The following KIRREL3 variants were observed in gnomAD, a reference collection of about 807,000 sequenced individuals.
KIRREL3 encodes the protein kin of IRRE-like protein 3.
A neutral mutation model predicts 89.7 loss-of-function variants in KIRREL3; 36 were observed. That is an observed-to-expected ratio of 0.40 (90% CI 0.31 to 0.53). The LOEUF is 0.53. Among genes scored for constraint, KIRREL3 ranks in the 20% least tolerant of loss-of-function variants. KIRREL3 has a pLI of 0.49. For synonymous variants in KIRREL3, 445 were observed against 441.4 expected, an observed-to-expected ratio of 1.01 and a Z score of -0.10; for missense variants, 864 against 1,056.6, an observed-to-expected ratio of 0.82 and a Z score of 2.53.
intron 1 of KIRREL3, among the ~76,000 whole-genome samples, chr11:126,690,208 C>T (rs777235337): frequency 5.9e-5 from 9 of 152,158 alleles, no homozygotes; most frequent in African/African-American, 1.7e-4. Flanking sequence ...AGTGTTTATG[C>T]GCCTTAATTC....
chr11:126,693,585 A>C (rs913211084), intron 1 of KIRREL3, among the ~76,000 whole-genome samples: 1 of 147,872 alleles, frequency 6.8e-6, no homozygotes, highest in Non-Finnish European at 1.5e-5. Context: ...ATCTGTATGC[A>C]CATGCATGTG....
In KIRREL3 at chr11:126,900,651, A is replaced by G. The variant is rs569135428; in HGVS notation, c.55+99804T>C. On this transcript the variant is annotated intron_variant, in intron 1 of 16. Coordinates refer to ENST00000525144, the MANE Select transcript of KIRREL3 (RefSeq NM_032531.4). The surrounding 1 kb of genome is among the most constrained non-coding windows in gnomAD (Gnocchi z 4.4). ...TTACTAATGCCTTTCAGCAAAGCCC[A>G]GGCATCTTTTAAAGTCAAACTTTAA... Among the ~76,000 whole-genome samples, 5 of 152,352 alleles carry G rather than the reference A, an allele frequency of 3.3e-5. No individual in the cohort carries two copies. Among genetic ancestry groups the G allele is most frequent in the African/African-American group, 7.2e-5 (3 of 41,594 alleles).
chr11:126,718,110 G>A (rs4121806), intron 1 of KIRREL3, among the ~76,000 whole-genome samples: 121,264 of 152,110 alleles, frequency 0.8, 48,951 homozygotes, highest in East Asian at 0.99. Context: ...TAGCATCACC[G>A]GAATTTGCGC....
At chr11:126,731,324 G>A (rs1182011513) in intron 1 of KIRREL3, among the ~76,000 whole-genome samples, 1 of 152,044 alleles carries the variant, frequency 6.6e-6, no homozygotes, top group African/African-American at 2.4e-5. Context: ...CACTGCCTAG[G>A]TCTCAAATGA....
At chr11:126,935,372 T>C (rs1948141630) in intron 1 of KIRREL3, 1 of 151,958 alleles carries the variant, frequency 6.6e-6, no homozygotes, top group South Asian at 2.1e-4. Context: ...GTTATTCTCC[T>C]TGGTATTTAT....
intron 1 of KIRREL3, among the ~76,000 whole-genome samples, chr11:126,572,112 A>T (rs1197779189): frequency 6.6e-6 from 1 of 152,186 alleles, no homozygotes; most frequent in African/African-American, 2.4e-5. Flanking sequence ...TCAGTCCATC[A>T]TGGCTGGGAG....
Position 126,554,552 on chromosome 11 carries a change from C to G in KIRREL3, c.133+8283G>C, listed in dbSNP as rs1737590041. Among the ~76,000 whole-genome samples the G allele has an allele frequency of 2.0e-5, 3 of 152,270 alleles. No individual in the cohort carries two copies. In the South Asian group the frequency reaches 6.2e-4, roughly 32 times the overall value. ...AAAAGTCTATGATTGTCAAATTATC[C>G]AGTCCCAGCATCTTGGAGCTACTGA... is the stretch of plus-strand genomic sequence containing the variant. On this transcript the variant is annotated intron_variant, in intron 2 of 16. Coordinates refer to ENST00000525144, the MANE Select transcript of KIRREL3 (RefSeq NM_032531.4).
rs1268565440 is a variant in KIRREL3, at chr11:126,498,185, C to A, written c.433+23130G>T. On this transcript the variant is annotated intron_variant, in intron 4 of 16. Coordinates refer to ENST00000525144, the MANE Select transcript of KIRREL3 (RefSeq NM_032531.4). This position sits in a 1 kb window ranked among gnomAD's most constrained non-coding sequence, Gnocchi z 4.3. ...GGGCAGAGTTGGGGTGGCCATCAAA[C>A]CCCTAAAACCCGAGGAGGGGAAGAG... 6.6e-6 allele frequency among the ~76,000 whole-genome samples: 1 copy of A among 152,200 alleles called. No individual in the cohort carries two copies. The highest frequency in any genetic ancestry group is 6.5e-5 in the Admixed American group (1 of 15,284).
At chr11:126,452,646 TG>T (rs1011043458) in intron 7 of KIRREL3, among the ~76,000 whole-genome samples, 3 of 152,226 alleles carry the variant, frequency 2.0e-5, no homozygotes, top group Admixed American at 2.0e-4. Flanking sequence ...CCCACCTGCT[TG>T]GCCCCAAGTA....
chr11:126,596,878 G>A (rs1274203535), intron 1 of KIRREL3, among the ~76,000 whole-genome samples: 2 of 152,186 alleles, frequency 1.3e-5, no homozygotes, highest in African/African-American at 4.8e-5. Flanking sequence ...CAGAGCCCGG[G>A]CTGCAGTTTC....
rs1948941232 is a variant in KIRREL3, at chr11:126,740,395, G to A, written c.56-177483C>T. Among the ~76,000 whole-genome samples, 1 of 58,366 alleles carries A rather than the reference G, an allele frequency of 1.7e-5. No individual in the cohort carries two copies. The highest frequency in any genetic ancestry group is 2.2e-4 in the Admixed American group (1 of 4,462). The allele number at this position is 58,366 out of a possible 152,430, so 38.3% of individuals were successfully genotyped here. ...TGGTATTCATTCTGTGTTTGGTGCT[G>A]CAGTAGTGGTCTGGAATTGTCTGCA... On this transcript the variant is annotated intron_variant, in intron 1 of 16. Transcript: ENST00000525144. The surrounding 1 kb of genome is among the most constrained non-coding windows in gnomAD (Gnocchi z 6.0).
At chr11:126,460,569 C>G (rs1956508583) in intron 6 of KIRREL3, among the ~76,000 whole-genome samples, 1 of 152,200 alleles carries the variant, frequency 6.6e-6, no homozygotes, top group Non-Finnish European at 1.5e-5. Flanking sequence ...CTGCTGGGCC[C>G]CAAGTGTCAC....
At chr11:126,820,066 C>T (rs1417645870) in intron 1 of KIRREL3, among the ~76,000 whole-genome samples, 1 of 152,192 alleles carries the variant, frequency 6.6e-6, no homozygotes, top group Non-Finnish European at 1.5e-5. Context: ...TTTTAGAGCA[C>T]CTAACAGATG....
chr11:126,691,953 G>A (rs578111777), intron 1 of KIRREL3, among the ~76,000 whole-genome samples: 6 of 152,270 alleles, frequency 3.9e-5, no homozygotes, highest in African/African-American at 1.2e-4. Context: ...TTTGCAAATC[G>A]AAATGATAGT....
intron 4 of KIRREL3, among the ~76,000 whole-genome samples, chr11:126,511,518 A>G (rs1169978011): frequency 1.3e-5 from 2 of 152,174 alleles, no homozygotes; most frequent in Non-Finnish European, 2.9e-5. Context: ...GACACTGACC[A>G]TAGCTGTTAG....
At chr11:126,487,078 A>G (rs1381168430) in intron 4 of KIRREL3, among the ~76,000 whole-genome samples, 1 of 152,202 alleles carries the variant, frequency 6.6e-6, no homozygotes. Context: ...GGAGGGGCGC[A>G]GGAAGATGGT....
chr11:126,738,291 CT>C (rs1383325205), intron 1 of KIRREL3, among the ~76,000 whole-genome samples: 1 of 152,186 alleles, frequency 6.6e-6, no homozygotes, highest in Non-Finnish European at 1.5e-5. Flanking sequence ...CCCTCCACCC[CT>C]GTCTTGCCTT....
intron 1 of KIRREL3, among the ~76,000 whole-genome samples, chr11:126,885,967 C>G (rs10750354): frequency 0.63 from 95,812 of 152,112 alleles, 32,140 homozygotes; most frequent in African/African-American, 0.87. Flanking sequence ...GACTAAGAAA[C>G]AGTTTTCTTT....
rs1943166865 is a variant in KIRREL3 at position 126,612,325 on chromosome 11, C to A, written c.56-49413G>T. Among the ~76,000 whole-genome samples the A allele has an allele frequency of 6.6e-6, 1 of 151,966 alleles. No individual in the cohort carries two copies. The highest frequency in any genetic ancestry group is 1.5e-5 in the Non-Finnish European group (1 of 68,012). Reference sequence around the variant, plus strand: ...TCAGAATTTGAGTATTATATGGACACCCCTGGCATAGAATAAATGCTCCCT... The same window carrying A: ...TCAGAATTTGAGTATTATATGGACAACCCTGGCATAGAATAAATGCTCCCT... On this transcript the variant is annotated intron_variant, in intron 1 of 16. Coordinates refer to ENST00000525144, the MANE Select transcript of KIRREL3 (RefSeq NM_032531.4). This position sits in a 1 kb window ranked among gnomAD's most constrained non-coding sequence, Gnocchi z 4.5.
Sources: gnomAD v4.1 joint callset for allele counts (sites outside exome capture counted in the v4.1 genomes callset) on GRCh38, gnomAD v4.1.1 for gene constraint, Gnocchi (gnomAD v3.1) non-coding constraint, MANE v1.5 for transcripts, NCBI Gene and HGNC (gene_info 2026-07-23, HGNC 2026-07-21) for gene names.